SLC39A9: variants seen among roughly 807,000 people sequenced by gnomAD.
SLC39A9 encodes the protein zinc transporter ZIP9.
A neutral mutation model predicts 28.4 loss-of-function variants in SLC39A9; 14 were observed. The observed-to-expected ratio is 0.49, with a 90% CI of 0.33 to 0.77. The LOEUF (loss-of-function observed/expected upper bound fraction) is 0.77. Ranked by LOEUF, SLC39A9 falls within the 30% of genes least tolerant of loss-of-function variation. SLC39A9 has a pLI of 0.02. For missense variants in SLC39A9, 283 were observed against 381.1 expected, an observed-to-expected ratio of 0.74 and a Z score of 2.14; for synonymous variants, 119 against 149.6, an observed-to-expected ratio of 0.80 and a Z score of 1.49.
At chr14:69,455,313 G>T (rs531320541) in intron 5 of SLC39A9, among the ~76,000 whole-genome samples, 71 of 151,686 alleles carry the variant, frequency 4.7e-4, no homozygotes, top group Admixed American at 8.6e-4. Context: ...GGTTTTTTTT[G>T]TGTGTGTGTG....
At chr14:69,407,722 T>A (rs1369359703) in intron 1 of SLC39A9, among the ~76,000 whole-genome samples, 1 of 151,588 alleles carries the variant, frequency 6.6e-6, no homozygotes, top group Non-Finnish European at 1.5e-5. Context: ...CACTGCAACC[T>A]CCTCCTCTCA....
chr14:69,449,724 A>G (rs533039350), intron 3 of SLC39A9, among the ~76,000 whole-genome samples: 11 of 152,210 alleles, frequency 7.2e-5, no homozygotes, highest in Non-Finnish European at 1.5e-4. Context: ...GACCTTATTC[A>G]TGGTCAGGAC....
intron 6 of SLC39A9, among the ~76,000 whole-genome samples, chr14:69,457,455 C>T (rs1885924390): frequency 6.6e-6 from 1 of 152,126 alleles, no homozygotes; most frequent in South Asian, 2.1e-4. Context: ...CCCACCTTGG[C>T]CTCCCAAAGT....
Position 69,401,731 on chromosome 14 carries a change from T to C in SLC39A9, c.96+2266T>C, listed in dbSNP as rs370361418. ...CTTAAATTGACGGTCAGATGGTCTT[T>C]TCCAGCTGTAGGTCTTAAAATGCTA... On this transcript the variant is annotated intron_variant, in intron 1 of 6. Transcript: ENST00000336643. 4.6e-5 allele frequency among the ~76,000 whole-genome samples: 7 copies of C among 152,222 alleles called. No homozygotes were observed. The South Asian group carries it at 1.4e-3, about 32-fold the overall frequency.
chr14:69,411,195 G>A (rs892139004), intron 1 of SLC39A9, among the ~76,000 whole-genome samples: 1 of 136,108 alleles, frequency 7.3e-6, no homozygotes, highest in South Asian at 2.4e-4. Flanking sequence ...CTGGGTCATA[G>A]AGTGAGATTC....
chr14:69,457,040 G>A (rs1885894733), intron 6 of SLC39A9, among the ~76,000 whole-genome samples: 1 of 152,092 alleles, frequency 6.6e-6, no homozygotes, highest in Admixed American at 6.6e-5. Context: ...GATAATTCTG[G>A]AGACATGGAG....
Position 69,399,170 on chromosome 14 carries a change from C to A in SLC39A9, c.-200C>A. The A allele has an allele frequency of 1.7e-6, 1 of 572,738 alleles. No homozygotes were observed. The highest frequency in any genetic ancestry group is 3.1e-6 in the Non-Finnish European group (1 of 327,450). 35.5% of individuals were successfully genotyped at this position (572,738 alleles called of 1,614,324 possible). ...AGATTGCTGTAAGCTTTCTCTGGTG[C>A]TAATATCAGCAAAAAGGGTCTGTTG... is the stretch of plus-strand genomic sequence containing the variant. On this transcript the variant is annotated 5_prime_UTR_variant, in exon 1 of 7. Coordinates refer to ENST00000336643, the MANE Select transcript of SLC39A9 (RefSeq NM_018375.5).
intron 2 of SLC39A9, among the ~76,000 whole-genome samples, chr14:69,435,315 A>T (rs1166720716): frequency 6.6e-6 from 1 of 152,136 alleles, no homozygotes; most frequent in Non-Finnish European, 1.5e-5. Flanking sequence ...ATTCCTGGTA[A>T]TATTTCTTGT....
chr14:69,456,370 G>A (rs1885861257), intron 6 of SLC39A9, among the ~76,000 whole-genome samples: 1 of 152,168 alleles, frequency 6.6e-6, no homozygotes, highest in Non-Finnish European at 1.5e-5. Flanking sequence ...AGAAGAGAAG[G>A]CTTTTCAGGT....
chr14:69,446,613 C>G (rs1030833099), intron 3 of SLC39A9, among the ~76,000 whole-genome samples: 4 of 151,962 alleles, frequency 2.6e-5, no homozygotes, highest in African/African-American at 9.7e-5. Context: ...TGGCTCACAC[C>G]TGTAATCCCA....
At chr14:69,405,878 C>T (rs1882887568) in intron 1 of SLC39A9, among the ~76,000 whole-genome samples, 1 of 152,136 alleles carries the variant, frequency 6.6e-6, no homozygotes, top group Non-Finnish European at 1.5e-5. Flanking sequence ...GTATACCAGG[C>T]AATGATATGC....
intron 2 of SLC39A9, among the ~76,000 whole-genome samples, chr14:69,429,610 C>T (rs986153941): frequency 1.3e-5 from 2 of 152,112 alleles, no homozygotes; most frequent in African/African-American, 2.4e-5. Flanking sequence ...CCCAGTTACT[C>T]GGGAGACTGA....
rs552121216 is a variant in SLC39A9, at chr14:69,406,014, T to A, written c.96+6549T>A. 2.0e-5 allele frequency among the ~76,000 whole-genome samples: 3 copies of A among 152,364 alleles called. No homozygotes were observed. The South Asian group carries it at 6.2e-4, about 32-fold the overall frequency. The stretch of plus-strand genomic sequence containing the variant: ...AGGTGTGATTTGGAACTAAGTCATT[T>A]TGATTCCTGTTGCCAAATCAGTCAC... On this transcript the variant is annotated intron_variant, in intron 1 of 6. Transcript: ENST00000336643.
chr14:69,413,145 AG>A (rs1883364744), intron 1 of SLC39A9, among the ~76,000 whole-genome samples: 2 of 152,198 alleles, frequency 1.3e-5, no homozygotes, highest in South Asian at 4.1e-4. Context: ...TCACAAGGTC[AG>A]GAGATCGAGA....
intron 1 of SLC39A9, among the ~76,000 whole-genome samples, chr14:69,409,333 T>A (rs537201757): frequency 3.9e-5 from 6 of 152,270 alleles, no homozygotes; most frequent in Non-Finnish European, 7.4e-5. Flanking sequence ...CTTGTTCTAG[T>A]CATTTGTTGT....
At chr14:69,447,507 C>T (rs1885386012) in intron 3 of SLC39A9, among the ~76,000 whole-genome samples, 1 of 152,144 alleles carries the variant, frequency 6.6e-6, no homozygotes. Context: ...AAGGGAGAAT[C>T]CTAGAACGAA....
Position 69,461,345 on chromosome 14 carries a change from G to C in SLC39A9, c.*2752G>C. 9.1e-7 allele frequency: 1 copy of C among 1,096,976 alleles called. No homozygotes were observed. The highest frequency in any genetic ancestry group is 1.1e-6 in the Non-Finnish European group (1 of 895,962). 68.0% of individuals were successfully genotyped at this position (1,096,976 alleles called of 1,614,324 possible). On this transcript the variant is annotated 3_prime_UTR_variant, in exon 7 of 7. Coordinates refer to ENST00000336643, the MANE Select transcript of SLC39A9 (RefSeq NM_018375.5). ...TCACTTATTCTCCAGTTAATTGCTT[G>C]TCAGTTCCATTTCAAGAAAGCAGTG... is the stretch of plus-strand genomic sequence containing the variant.
intron 1 of SLC39A9, among the ~76,000 whole-genome samples, chr14:69,403,713 CAGTTTG>C (rs1378344970): frequency 6.6e-6 from 1 of 152,042 alleles, no homozygotes; most frequent in African/African-American, 2.4e-5. Flanking sequence ...TATTGCAGAC[CAGTTTG>C]AGTTATAATG....
chr14:69,444,979 T>A (rs1252390072), intron 3 of SLC39A9, among the ~76,000 whole-genome samples: 5 of 150,130 alleles, frequency 3.3e-5, no homozygotes, highest in South Asian at 2.1e-4. Context: ...CTAAAAAAAA[T>A]AATAATAAAA....
Sources: allele counts gnomAD v4.1 joint callset (sites outside exome capture counted in the v4.1 genomes callset), GRCh38; gene constraint gnomAD v4.1.1; transcripts MANE v1.5; gene names NCBI Gene and HGNC (gene_info 2026-07-23, HGNC 2026-07-21).